The following CTNNA2 variants were observed in gnomAD, a reference collection of about 807,000 sequenced individuals.
The protein encoded by CTNNA2 is catenin alpha 2, also known as catenin alpha-2.
A neutral mutation model predicts 101.0 loss-of-function variants in CTNNA2; 42 were observed. The ratio of observed to expected loss-of-function variants is 0.42; its 90% CI spans 0.32 to 0.54. The LOEUF is 0.54. Among genes scored for constraint, CTNNA2 ranks in the 20% least tolerant of loss-of-function variants. The probability of loss-of-function intolerance (pLI) is 0.14; values close to 1 mark genes in which losing one functional copy is unlikely to be tolerated. For synonymous variants in CTNNA2, 450 were observed against 456.4 expected, an observed-to-expected ratio of 0.99 and a Z score of 0.18; for missense variants, 871 against 1,223.1, an observed-to-expected ratio of 0.71 and a Z score of 4.29.
intron 9 of CTNNA2, among the ~76,000 whole-genome samples, chr2:80,440,172 G>A (rs958501881): frequency 6.6e-6 from 1 of 152,124 alleles, no homozygotes; most frequent in Non-Finnish European, 1.5e-5. Context: ...ATTGATTTTG[G>A]TGTTTAGTAA....
intron 7 of CTNNA2, among the ~76,000 whole-genome samples, chr2:80,098,225 G>A: frequency 6.6e-6 from 1 of 152,198 alleles, no homozygotes; most frequent in East Asian, 1.9e-4. Context: ...CCTTCTAACA[G>A]TCAGGACCCT....
intron 2 of CTNNA2, among the ~76,000 whole-genome samples, chr2:79,269,041 A>T (rs1391628644): frequency 6.6e-6 from 1 of 152,012 alleles, no homozygotes. Flanking sequence ...GAGGGGCCAG[A>T]TCGTTACCAA....
rs571340944 is a variant in CTNNA2, at chr2:79,892,981, G to A, written c.853-16613G>A. Among the ~76,000 whole-genome samples the A allele has an allele frequency of 6.6e-5, 10 of 152,100 alleles. No individual in the cohort carries two copies. The East Asian group carries it at 7.7e-4, about 12-fold the overall frequency. ...AGTAAATTACCAAAGCACTATACCC[G>A]TCCCTGATTGTTAGACTTTACCACA... On this transcript the variant is annotated intron_variant, in intron 6 of 18. Coordinates refer to ENST00000402739, the MANE Select transcript of CTNNA2 (RefSeq NM_001282597.3).
intron 4 of CTNNA2, among the ~76,000 whole-genome samples, chr2:79,404,462 T>A (rs1558658938): frequency 6.6e-6 from 1 of 152,078 alleles, no homozygotes; most frequent in Admixed American, 6.6e-5. Context: ...GTAAGCTTTT[T>A]AAAATATATA....
intron 7 of CTNNA2, among the ~76,000 whole-genome samples, chr2:80,346,664 GT>G (rs1249260323): frequency 6.6e-6 from 1 of 152,136 alleles, no homozygotes; most frequent in African/African-American, 2.4e-5. Flanking sequence ...AAGGGGTTCA[GT>G]TTGATCATGA....
At chr2:79,243,001 C>CACACACACACACAT (rs1553385606) in intron 2 of CTNNA2, among the ~76,000 whole-genome samples, 69 of 122,702 alleles carry the variant, frequency 5.6e-4, no homozygotes, top group African/African-American at 1.1e-3. Context: ...TATACACACA[C>CACACACACACACAT]ACACACACAC....
At chr2:79,800,812 C>T (rs547474129) in intron 3 of CTNNA2, among the ~76,000 whole-genome samples, 2 of 152,254 alleles carry the variant, frequency 1.3e-5, no homozygotes, top group African/African-American at 2.4e-5. Flanking sequence ...AGGGGACTTA[C>T]CAGATGAGCG....
chr2:80,370,112 G>A (rs990998705), intron 7 of CTNNA2, among the ~76,000 whole-genome samples: 4 of 152,112 alleles, frequency 2.6e-5, no homozygotes, highest in Non-Finnish European at 4.4e-5. Flanking sequence ...CACAACAAAA[G>A]GTTGAGGCAT....
intron 7 of CTNNA2, among the ~76,000 whole-genome samples, chr2:80,374,961 G>A (rs1333728013): frequency 6.6e-6 from 1 of 151,936 alleles, no homozygotes; most frequent in Non-Finnish European, 1.5e-5. Context: ...CTTACTTAGT[G>A]GAATGATATA....
At chr2:80,138,406 T>C (rs1702814776) in intron 7 of CTNNA2, among the ~76,000 whole-genome samples, 1 of 152,148 alleles carries the variant, frequency 6.6e-6, no homozygotes, top group Non-Finnish European at 1.5e-5. Context: ...AAATGGAGAG[T>C]ATTGTAATAG....
chr2:80,103,286 C>T (rs1019255878), intron 7 of CTNNA2, among the ~76,000 whole-genome samples: 1 of 152,084 alleles, frequency 6.6e-6, no homozygotes, highest in Non-Finnish European at 1.5e-5. Context: ...TTTCAAACAG[C>T]CATTTTCTTG....
At chr2:80,365,338 T>C (rs770790921) in intron 7 of CTNNA2, among the ~76,000 whole-genome samples, 5 of 152,178 alleles carry the variant, frequency 3.3e-5, no homozygotes, top group African/African-American at 4.8e-5. Context: ...GTTGACATGC[T>C]GACAGTGCAG....
chr2:80,493,933 A>T (rs149388683), intron 9 of CTNNA2, among the ~76,000 whole-genome samples: 213 of 152,328 alleles, frequency 1.4e-3, no homozygotes, highest in African/African-American at 4.8e-3. Context: ...TTTCTACACT[A>T]TAATTTTCAC....
chr2:80,325,274 C>A (rs1679137529), intron 7 of CTNNA2, among the ~76,000 whole-genome samples: 1 of 152,100 alleles, frequency 6.6e-6, no homozygotes, highest in Admixed American at 6.5e-5. Flanking sequence ...GACTTGGATA[C>A]TGTAGATTTG....
chr2:79,997,144 T>C (rs982904858), intron 7 of CTNNA2, among the ~76,000 whole-genome samples: 1 of 152,132 alleles, frequency 6.6e-6, no homozygotes, highest in Admixed American at 6.6e-5. Flanking sequence ...CCCTTTTGGG[T>C]GCATCTCTGC....
intron 4 of CTNNA2, among the ~76,000 whole-genome samples, chr2:79,503,009 G>A (rs940603859): frequency 6.6e-6 from 1 of 152,162 alleles, no homozygotes; most frequent in African/African-American, 2.4e-5. Context: ...CATCCTTGCT[G>A]TGTGCAGGCA....
intron 3 of CTNNA2, among the ~76,000 whole-genome samples, chr2:79,837,340 A>G (rs1257700245): frequency 1.3e-5 from 2 of 152,162 alleles, no homozygotes; most frequent in African/African-American, 2.4e-5. Context: ...CTGCCTGTTT[A>G]TGTTCTAGCT....
chr2:80,286,930 G>A (rs1674820330), intron 7 of CTNNA2, among the ~76,000 whole-genome samples: 4 of 152,142 alleles, frequency 2.6e-5, no homozygotes, highest in Non-Finnish European at 5.9e-5. Flanking sequence ...GAAACTAACT[G>A]AATTGAACTG....
At chr2:79,983,894 T>C (rs970421355) in intron 7 of CTNNA2, among the ~76,000 whole-genome samples, 1 of 152,156 alleles carries the variant, frequency 6.6e-6, no homozygotes, top group African/African-American at 2.4e-5. Flanking sequence ...ACCATGCTCC[T>C]GAGAGAAAAT....
Sources: gnomAD v4.1 joint callset for allele counts (sites outside exome capture counted in the v4.1 genomes callset) on GRCh38, gnomAD v4.1.1 for gene constraint, MANE v1.5 for transcripts, NCBI Gene and HGNC (gene_info 2026-07-23, HGNC 2026-07-21) for gene names.